The following AP3D1 variants were observed in gnomAD, a reference collection of about 807,000 sequenced individuals.
AP3D1 encodes AP-3 complex subunit delta-1.
AP3D1 carries 51 observed loss-of-function variants against 147.6 expected under a neutral mutation model. The observed-to-expected ratio is 0.35, with a 90% CI of 0.28 to 0.44. The LOEUF is 0.44. Among genes scored for constraint, AP3D1 ranks in the 20% least tolerant of loss-of-function variants. The pLI is 1.00. For missense variants in AP3D1, 1,421 were observed against 1,624.2 expected, an observed-to-expected ratio of 0.87 and a Z score of 2.15; for synonymous variants, 760 against 663.0, an observed-to-expected ratio of 1.15 and a Z score of -2.25.
chr19:2,164,173 G>A, intron 1 of AP3D1: 4 of 1,185,276 alleles, frequency 3.4e-6, no homozygotes, highest in Non-Finnish European at 4.2e-6. Flanking sequence ...TGCGGCGGCC[G>A]CGCGCGCGGA....
Position 2,131,931 on chromosome 19 carries a change from C to T in AP3D1, c.462+540G>A, listed in dbSNP as rs936148378. On this transcript the variant is annotated intron_variant, in intron 5 of 31. Transcript: ENST00000643116. Reference sequence around the variant, plus strand: ...TGCTTCCCAGGGAGGAAAGCATGCCCGCTCCACACTGTTAATCTGGCTACT... The same window carrying T: ...TGCTTCCCAGGGAGGAAAGCATGCCTGCTCCACACTGTTAATCTGGCTACT... Among the ~76,000 whole-genome samples, 8 of 152,326 alleles carry T rather than the reference C, an allele frequency of 5.3e-5. No homozygotes were observed. The East Asian group carries it at 7.7e-4, about 15-fold the overall frequency.
intron 1 of AP3D1, among the ~76,000 whole-genome samples, chr19:2,162,905 G>A (rs1016462382): frequency 1.2e-4 from 18 of 151,992 alleles, no homozygotes; most frequent in African/African-American, 3.9e-4. Context: ...ACTTGGGGAG[G>A]TGCTGGTGGT....
upstream of AP3D1, among the ~76,000 whole-genome samples, chr19:2,153,089 G>A (rs2019593798): frequency 6.6e-6 from 1 of 150,822 alleles, no homozygotes; most frequent in South Asian, 2.1e-4. Flanking sequence ...CAGGGGGAGG[G>A]GAGGATGGGC....
intron 14 of AP3D1, among the ~76,000 whole-genome samples, chr19:2,119,770 A>G (rs1236900180): frequency 6.6e-6 from 1 of 151,270 alleles, no homozygotes; most frequent in Admixed American, 6.6e-5. Context: ...CCCATCTCTA[A>G]TAAGAATACA....
intron 1 of AP3D1, among the ~76,000 whole-genome samples, chr19:2,145,883 A>C (rs1168190127): frequency 6.6e-6 from 1 of 152,234 alleles, no homozygotes; most frequent in South Asian, 2.1e-4. Context: ...GCAAGCGGCT[A>C]AACGCCTGTG....
intron 14 of AP3D1, among the ~76,000 whole-genome samples, chr19:2,120,297 G>C (rs893873393): frequency 6.6e-6 from 1 of 152,188 alleles, no homozygotes; most frequent in Non-Finnish European, 1.5e-5. Context: ...CTCTTGGCCA[G>C]GGAGAACCTG....
intron 13 of AP3D1, 32 bp downstream of exon 13, chr19:2,121,130 AC>A (rs1568287355): frequency 6.2e-7 from 1 of 1,613,348 alleles, no homozygotes; most frequent in Admixed American, 1.7e-5. Context: ...GCGCCACGGA[AC>A]CCCCGGCCAC....
At chr19:2,133,490 G>A (rs1028000349) in intron 4 of AP3D1, 3 of 151,712 alleles carry the variant, frequency 2.0e-5, no homozygotes, top group African/African-American at 7.3e-5. Context: ...ATATTCTGTG[G>A]TCAAAATATG....
At position 2,112,148 on chromosome 19, in the gene AP3D1, G is replaced by A. The variant is rs547596005; in HGVS notation, c.2788-320C>T. Reference sequence around the variant, plus strand: ...CAACCCCACGCCCATGTGCACATCCGAGAGGGAACACACACATCCACGCGC... The same window carrying A: ...CAACCCCACGCCCATGTGCACATCCAAGAGGGAACACACACATCCACGCGC... On this transcript the variant is annotated intron_variant, in intron 24 of 31. Coordinates refer to ENST00000643116, the MANE Select transcript of AP3D1 (RefSeq NM_001261826.3). 124 of 413,302 alleles carry A rather than the reference G, an allele frequency of 3.0e-4. No individual in the cohort carries two copies. In the South Asian group the frequency reaches 3.3e-3, roughly 11 times the overall value. 25.6% of individuals were successfully genotyped at this position (413,302 alleles called of 1,614,324 possible). A position where few individuals can be genotyped will look rare whatever the true frequency, so the allele number is the denominator to read the frequency against.
At chr19:2,156,358 A>G (rs1004516362), upstream of AP3D1, among the ~76,000 whole-genome samples, 2 of 151,942 alleles carry the variant, frequency 1.3e-5, no homozygotes, top group African/African-American at 4.8e-5. Flanking sequence ...CCACATATCA[A>G]ATCATCCATT....
At chr19:2,121,691 G>A (rs1023804302) in intron 12 of AP3D1, 43 bp downstream of exon 12, 16 of 1,538,112 alleles carry the variant, frequency 1.0e-5, no homozygotes, top group Non-Finnish European at 1.4e-5. Flanking sequence ...GTCCCTTAGA[G>A]AACTAAGGCC....
chr19:2,129,995 A>C (rs985772483), intron 6 of AP3D1, among the ~76,000 whole-genome samples: 4 of 152,224 alleles, frequency 2.6e-5, no homozygotes, highest in Non-Finnish European at 5.9e-5. Context: ...AAACTCAGTG[A>C]AACTGAATCT....
intron 24 of AP3D1, chr19:2,112,522 TA>T (rs779041517): frequency 8.6e-6 from 2 of 232,138 alleles, no homozygotes; most frequent in Non-Finnish European, 1.7e-5. Flanking sequence ...GAGTGAGAAG[TA>T]ACGGCTGGTG....
At chr19:2,118,926 C>T in intron 14 of AP3D1, 94 bp from the exon 15 acceptor site, 1 of 1,173,330 alleles carries the variant, frequency 8.5e-7, no homozygotes, top group Non-Finnish European at 1.2e-6. Context: ...TCGTCACCAA[C>T]AAGGTGACTC....
chr19:2,155,712 T>C (rs962006742), upstream of AP3D1, among the ~76,000 whole-genome samples: 1 of 152,076 alleles, frequency 6.6e-6, no homozygotes, highest in Admixed American at 6.6e-5. Context: ...CTTTGTCCTT[T>C]TGTTTTCTGT....
chr19:2,112,528 C>G (rs944831960), intron 24 of AP3D1: 1 of 241,980 alleles, frequency 4.1e-6, no homozygotes, highest in East Asian at 9.1e-5. Flanking sequence ...GAAGTAACGG[C>G]TGGTGGGAAT....
Position 2,105,958 on chromosome 19 carries a change from G to A in AP3D1, c.3552+2729C>T, listed in dbSNP as rs376716815. Among the ~76,000 whole-genome samples, 40 of 152,300 alleles carry A rather than the reference G, an allele frequency of 2.6e-4. 1 individual carries two copies. In the South Asian group the frequency reaches 3.5e-3, roughly 13 times the overall value. ...AAAGAGACAAAAAGATTATCCAGGC[G>A]TGGTCGTGGGCACCTGTAATCCCAA... On this transcript the variant is annotated intron_variant, in intron 31 of 31. Transcript: ENST00000643116.
At chr19:2,111,849 G>A (rs1002186652) in intron 24 of AP3D1, 21 bp from the exon 25 acceptor site, 1 of 1,612,622 alleles carries the variant, frequency 6.2e-7, no homozygotes, top group African/African-American at 1.3e-5. Flanking sequence ...AGGAGGGTCG[G>A]GTTCAGTGCC....
chr19:2,152,863 G>A (rs528269851), upstream of AP3D1, among the ~76,000 whole-genome samples: 16 of 151,992 alleles, frequency 1.1e-4, no homozygotes, highest in East Asian at 1.9e-4. Context: ...GCAACAGAGC[G>A]AGACTCTTGT....
Sources: allele counts gnomAD v4.1 joint callset (sites outside exome capture counted in the v4.1 genomes callset), GRCh38; gene constraint gnomAD v4.1.1; transcripts MANE v1.5; gene names NCBI Gene and HGNC (gene_info 2026-07-23, HGNC 2026-07-21).